The following SYTL5 variants were observed in gnomAD, a reference collection of about 807,000 sequenced individuals.
SYTL5 encodes the protein synaptotagmin like 5.
A neutral mutation model predicts 55.9 loss-of-function variants in SYTL5; 34 were observed. The ratio of observed to expected loss-of-function variants is 0.61; its 90% CI spans 0.46 to 0.81. The LOEUF (loss-of-function observed/expected upper bound fraction) is 0.81, where lower values mean the gene tolerates loss of function less well. Among genes scored for constraint, SYTL5 ranks in the 30% least tolerant of loss-of-function variants. SYTL5 has a pLI of 0.00. For synonymous variants in SYTL5, 221 were observed against 188.7 expected, an observed-to-expected ratio of 1.17 and a Z score of -1.40; for missense variants, 637 against 546.7, an observed-to-expected ratio of 1.17 and a Z score of -1.65.
At chrX:37,910,109 T>C in the SYTL5 span, among the ~76,000 whole-genome samples, 3 of 111,817 alleles carry the variant, frequency 2.7e-5, no homozygotes, top group Non-Finnish European at 1.9e-5. Context: ...GTTTGGAAAC[T>C]ATATTAGTTT....
chrX:37,971,557 A>G, the SYTL5 span, among the ~76,000 whole-genome samples: 2 of 110,998 alleles, frequency 1.8e-5, no homozygotes, highest in Admixed American at 9.6e-5. Context: ...AACAACAAAA[A>G]ACCACTGTTA....
At chrX:38,096,005 T>C in intron 8 of SYTL5, 129 bp from the exon 9 acceptor site, 1 of 374,063 alleles carries the variant, frequency 2.7e-6, no homozygotes, top group Non-Finnish European at 4.6e-6. Context: ...CGACTGTTGC[T>C]TTCATGGCAC....
rs757663221 is a variant in SYTL5 at position 38,125,291 on chromosome X, C to T, written c.1842-7C>T. The stretch of plus-strand genomic sequence containing the variant: ...TATTGATGATTTGATTGTTTTTTCT[C>T]ATGCAGCTACCTGCTCCCTGATGAT... On this transcript the variant is annotated splice_region_variant and splice_polypyrimidine_tract_variant and intron_variant, in intron 15 of 16. Coordinates refer to ENST00000297875, the MANE Select transcript of SYTL5 (RefSeq NM_138780.3). 3.3e-6 allele frequency: 4 copies of T among 1,204,430 alleles called. No homozygotes were observed. Among genetic ancestry groups the T allele is most frequent in the Non-Finnish European group, 4.5e-6 (4 of 891,660 alleles).
chrX:38,057,634 A>G (rs1243124166), intron 3 of SYTL5, among the ~76,000 whole-genome samples: 1 of 111,701 alleles, frequency 9.0e-6, no homozygotes, highest in Non-Finnish European at 1.9e-5. Context: ...AAGTTCTTTT[A>G]TTACTTACTT....
At chrX:37,966,137 T>C in the SYTL5 span, among the ~76,000 whole-genome samples, 1 of 112,033 alleles carries the variant, frequency 8.9e-6, no homozygotes, top group African/African-American at 3.2e-5. Context: ...ATTGCCATTT[T>C]GTCAATCAAT....
chrX:37,893,731 ATC>A, the SYTL5 span, among the ~76,000 whole-genome samples: 1 of 83,381 alleles, frequency 1.2e-5, no homozygotes, highest in African/African-American at 4.9e-5. Flanking sequence ...ATTATATATA[ATC>A]TATAGATAAA....
At chrX:37,917,734 C>T in the SYTL5 span, among the ~76,000 whole-genome samples, 16 of 111,423 alleles carry the variant, frequency 1.4e-4, no homozygotes, top group African/African-American at 4.9e-4. Context: ...TTTTTTCAGA[C>T]GTTTTCAATG....
rs967188473 is a variant in SYTL5 at position 38,110,213 on chromosome X, T to C, written c.1435-108T>C. On this transcript the variant is annotated intron_variant, in intron 12 of 16. Transcript: ENST00000297875. ...GTTTTCTTTGTGTTTGTTTTGTTCA[T>C]ATTACTGATGCATATGATCTGAAAG... 8 of 490,451 alleles carry C rather than the reference T, an allele frequency of 1.6e-5. No individual in the cohort carries two copies. In the Admixed American group the frequency reaches 3.5e-4, roughly 21 times the overall value. 40.4% of individuals were successfully genotyped at this position (490,451 alleles called of 1,213,427 possible).
chrX:37,946,973 A>G, the SYTL5 span, among the ~76,000 whole-genome samples: 3 of 110,933 alleles, frequency 2.7e-5, no homozygotes, highest in Admixed American at 2.9e-4. Flanking sequence ...GAATACATGG[A>G]TAATAAGTAT....
chrX:37,896,925 C>T, the SYTL5 span, among the ~76,000 whole-genome samples: 1 of 112,055 alleles, frequency 8.9e-6, no homozygotes, highest in Non-Finnish European at 1.9e-5. Context: ...AAATAGAGCA[C>T]AGAGGGAGGA....
intron 1 of SYTL5, among the ~76,000 whole-genome samples, chrX:38,030,937 T>C (rs910273955): frequency 1.8e-5 from 2 of 112,259 alleles, no homozygotes; most frequent in Non-Finnish European, 3.8e-5. Context: ...GGTCAAGCTC[T>C]CAAGGAAATA....
At chrX:37,951,187 T>A in the SYTL5 span, among the ~76,000 whole-genome samples, 4 of 111,514 alleles carry the variant, frequency 3.6e-5, no homozygotes. Flanking sequence ...TGTTTCTATG[T>A]GGAAATAAAT....
the SYTL5 span, among the ~76,000 whole-genome samples, chrX:37,972,449 G>A: frequency 9.0e-6 from 1 of 111,516 alleles, no homozygotes; most frequent in Middle Eastern, 4.6e-3. Flanking sequence ...TGGAGGAGAA[G>A]CTCCAACGCG....
the SYTL5 span, among the ~76,000 whole-genome samples, chrX:37,957,515 A>G: frequency 8.9e-6 from 1 of 111,999 alleles, no homozygotes; most frequent in African/African-American, 3.2e-5. Flanking sequence ...CAATCTTCCC[A>G]GCATCATTTA....
intron 6 of SYTL5, among the ~76,000 whole-genome samples, chrX:38,085,298 A>G (rs938913614): frequency 9.0e-6 from 1 of 111,456 alleles, no homozygotes; most frequent in African/African-American, 3.3e-5. Context: ...TAGATGCCAC[A>G]CCCAGAGAGT....
chrX:37,988,688 C>A, the SYTL5 span, among the ~76,000 whole-genome samples: 2 of 111,890 alleles, frequency 1.8e-5, no homozygotes, highest in Non-Finnish European at 3.8e-5. Context: ...TAGAGAACAC[C>A]TAAATTATCA....
chrX:38,125,198 G>A (rs1937615648), intron 15 of SYTL5, 100 bp from the exon 16 acceptor site: 4 of 687,351 alleles, frequency 5.8e-6, no homozygotes, highest in Non-Finnish European at 8.6e-6. Flanking sequence ...GCATATAGAA[G>A]CCTGGGAAGG....
chrX:38,055,840 C>T (rs1935764776), intron 3 of SYTL5, among the ~76,000 whole-genome samples: 1 of 111,610 alleles, frequency 9.0e-6, no homozygotes, highest in Non-Finnish European at 1.9e-5. Flanking sequence ...TTTGTGAATA[C>T]ATAGCAGGTA....
chrX:38,119,602 T>A (rs1205201649), intron 13 of SYTL5, among the ~76,000 whole-genome samples: 1 of 112,460 alleles, frequency 8.9e-6, no homozygotes, highest in African/African-American at 3.2e-5. Context: ...ATCCATGTGG[T>A]TTCCAGTTTT....
Sources: gnomAD v4.1 joint callset for allele counts (sites outside exome capture counted in the v4.1 genomes callset) on GRCh38, gnomAD v4.1.1 for gene constraint, MANE v1.5 for transcripts, NCBI Gene and HGNC (gene_info 2026-07-23, HGNC 2026-07-21) for gene names.